Variants in PCDH7 observed in about 807,000 individuals in gnomAD.
PCDH7 encodes the protein protocadherin-7.
In PCDH7, 17 loss-of-function variants were observed where a neutral mutation model predicts 58.9. That is an observed-to-expected ratio of 0.29 (90% CI 0.20 to 0.43). The LOEUF is 0.43. Among genes scored for constraint, PCDH7 ranks in the 20% least tolerant of loss-of-function variants. The pLI, the probability that PCDH7 is intolerant of heterozygous loss-of-function variation, is 1.00. For missense variants in PCDH7, 1,274 were observed against 1,441.0 expected, an observed-to-expected ratio of 0.88 and a Z score of 1.88; for synonymous variants, 664 against 616.4, an observed-to-expected ratio of 1.08 and a Z score of -1.14.
intron 3 of PCDH7, among the ~76,000 whole-genome samples, chr4:31,043,618 C>G (rs1442991003): frequency 6.6e-6 from 1 of 152,074 alleles, no homozygotes; most frequent in African/African-American, 2.4e-5. Context: ...CCTTTGCTCA[C>G]TTTTTAATGG....
intron 1 of PCDH7, among the ~76,000 whole-genome samples, chr4:30,769,399 T>C (rs1276896524): frequency 6.6e-6 from 1 of 152,216 alleles, no homozygotes; most frequent in African/African-American, 2.4e-5. Flanking sequence ...TTGGTATTCT[T>C]TCCTAGCTTT....
chr4:31,013,654 A>T (rs1390220629), intron 3 of PCDH7, among the ~76,000 whole-genome samples: 1 of 151,586 alleles, frequency 6.6e-6, no homozygotes, highest in Non-Finnish European at 1.5e-5. Flanking sequence ...GGGAGAGGAG[A>T]CTATAATGAA....
chr4:30,990,280 T>C (rs986036749), intron 3 of PCDH7, among the ~76,000 whole-genome samples: 1 of 152,012 alleles, frequency 6.6e-6, no homozygotes, highest in Non-Finnish European at 1.5e-5. Flanking sequence ...TATCTACCTA[T>C]ATATGTATGT....
intron 1 of PCDH7, among the ~76,000 whole-genome samples, chr4:30,875,167 G>C (rs1183597467): frequency 6.6e-6 from 1 of 152,066 alleles, no homozygotes; most frequent in Admixed American, 6.6e-5. Flanking sequence ...TTGCACCGTT[G>C]ATTCCTTCAG....
At chr4:30,763,556 A>G (rs1461128327) in intron 1 of PCDH7, among the ~76,000 whole-genome samples, 3 of 152,234 alleles carry the variant, frequency 2.0e-5, no homozygotes, top group East Asian at 3.9e-4. Context: ...TCAGTGTTTC[A>G]CTAGCTTCAG....
chr4:31,072,000 G>C (rs970365890), intron 3 of PCDH7, among the ~76,000 whole-genome samples: 5 of 151,882 alleles, frequency 3.3e-5, no homozygotes, highest in Non-Finnish European at 5.9e-5. Flanking sequence ...TACTGTCTTC[G>C]CTTTTCTAAG....
intron 1 of PCDH7, among the ~76,000 whole-genome samples, chr4:30,808,638 G>T (rs1726573325): frequency 6.6e-6 from 1 of 152,068 alleles, no homozygotes; most frequent in Admixed American, 6.6e-5. Context: ...ACTGGGCTCT[G>T]AGTTGATTGA....
chr4:30,792,148 A>T (rs1724200725), intron 1 of PCDH7, among the ~76,000 whole-genome samples: 1 of 152,244 alleles, frequency 6.6e-6, no homozygotes, highest in Admixed American at 6.5e-5. Flanking sequence ...CTGAAAAGTC[A>T]GTGGCTTTCA....
At chr4:30,913,837 A>G (rs1742076274) in intron 1 of PCDH7, among the ~76,000 whole-genome samples, 2 of 152,170 alleles carry the variant, frequency 1.3e-5, no homozygotes, top group Non-Finnish European at 2.9e-5. Flanking sequence ...TTTTCAGAAA[A>G]CAAAACTACC....
chr4:31,097,630 ATATAT>A (rs201583919), intron 3 of PCDH7, among the ~76,000 whole-genome samples: 1,439 of 43,330 alleles, frequency 0.033, 141 homozygotes, highest in African/African-American at 0.088. Flanking sequence ...ATATATATAT[ATATAT>A]ATAAATCTTT....
chr4:31,076,029 C>A (rs1284643129), intron 3 of PCDH7, among the ~76,000 whole-genome samples: 1 of 152,092 alleles, frequency 6.6e-6, no homozygotes, highest in Non-Finnish European at 1.5e-5. Context: ...TCTAAAATAT[C>A]CTTGGGGTTA....
intron 1 of PCDH7, among the ~76,000 whole-genome samples, chr4:30,823,769 T>C (rs1161003913): frequency 6.6e-6 from 1 of 152,086 alleles, no homozygotes. Context: ...TATCCTAGAA[T>C]AGGATAGGGC....
At position 30,756,407 on chromosome 4, in the gene PCDH7, G is replaced by A. The variant is rs112455135; in HGVS notation, c.70+31811G>A. Among the ~76,000 whole-genome samples, 773 of 152,188 alleles carry A rather than the reference G, an allele frequency of 5.1e-3. 6 individuals are homozygous for A. Among genetic ancestry groups the A allele is most frequent in the African/African-American group, 0.017 (722 of 41,536 alleles). ...TATGTCCAAATGATAGCACCCACCC[G>A]GAAGATGAGGAAACTGAGACAAATA... On this transcript the variant is annotated intron_variant, in intron 1 of 3. Coordinates refer to the PCDH7 transcript ENST00000509759.
At chr4:31,049,241 C>G (rs1034574775) in intron 3 of PCDH7, among the ~76,000 whole-genome samples, 2 of 152,016 alleles carry the variant, frequency 1.3e-5, no homozygotes, top group Admixed American at 6.6e-5. Flanking sequence ...CGAGTGAGAA[C>G]ATGCGGTGTT....
chr4:31,055,265 G>GT (rs1757058884), intron 3 of PCDH7, among the ~76,000 whole-genome samples: 1 of 152,038 alleles, frequency 6.6e-6, no homozygotes, highest in Non-Finnish European at 1.5e-5. Flanking sequence ...TATATTTTCA[G>GT]TTTTTTAGAG....
intron 1 of PCDH7, among the ~76,000 whole-genome samples, chr4:30,862,892 A>G (rs1233699868): frequency 1.3e-5 from 2 of 152,100 alleles, no homozygotes. Context: ...CCTGAACCAC[A>G]TGATTATGGA....
chr4:31,144,834 A>G (rs575383900), downstream of PCDH7: 9 of 152,280 alleles, frequency 5.9e-5, no homozygotes. Flanking sequence ...CTAAAATATC[A>G]GTAATTGAAC....
chr4:30,941,760 T>G (rs61795880), intron 2 of PCDH7, among the ~76,000 whole-genome samples: 38,636 of 151,650 alleles, frequency 0.25, 5,171 homozygotes, highest in African/African-American at 0.34. Context: ...GAGGTAAAAT[T>G]TACTATCTAA....
At chr4:31,146,006 T>C (rs1171708080), downstream of PCDH7, 1 of 152,066 alleles carries the variant, frequency 6.6e-6, no homozygotes, top group Admixed American at 6.6e-5. Flanking sequence ...ACTATATAAA[T>C]TTATGTGTAT....
Sources: allele counts gnomAD v4.1 joint callset (sites outside exome capture counted in the v4.1 genomes callset), GRCh38; gene constraint gnomAD v4.1.1; transcripts MANE v1.5; gene names NCBI Gene and HGNC (gene_info 2026-07-23, HGNC 2026-07-21).